Variants in CERS6 observed in about 807,000 individuals in gnomAD.
CERS6 encodes the protein LAG1 homolog, ceramide synthase 6.
A neutral mutation model predicts 56.8 loss-of-function variants in CERS6; 26 were observed. The ratio of observed to expected loss-of-function variants is 0.46; its 90% CI spans 0.34 to 0.63. The LOEUF is 0.63. Ranked by LOEUF, CERS6 falls within the 30% of genes least tolerant of loss-of-function variation. The probability of loss-of-function intolerance (pLI) is 0.01; values close to 1 mark genes in which losing one functional copy is unlikely to be tolerated. For missense variants in CERS6, 415 were observed against 467.5 expected (o/e 0.89, Z 1.04); for synonymous variants, 164 against 173.3 (o/e 0.95, Z 0.42).
chr2:168,579,398 G>GT (rs199612722), intron 3 of CERS6, among the ~76,000 whole-genome samples: 59 of 152,270 alleles, frequency 3.9e-4, no homozygotes, highest in African/African-American at 1.1e-3. Context: ...TTGCAAAGGT[G>GT]TTTTTAAAAA....
In CERS6 at chr2:168,680,698, A is replaced by G. The variant is rs528549203; in HGVS notation, c.466-10336A>G. On this transcript the variant is annotated intron_variant, in intron 4 of 9. Coordinates refer to ENST00000305747, the MANE Select transcript of CERS6 (RefSeq NM_203463.3). ...CCTCCTTAATGGGATTTAGGTCCTT[A>G]TAAAAGAGGCTTCACACAGCCTTTG... is the stretch of plus-strand genomic sequence containing the variant. 3.3e-5 allele frequency among the ~76,000 whole-genome samples: 5 copies of G among 152,300 alleles called. No homozygotes were observed. In the South Asian group the frequency reaches 1.0e-3, roughly 32 times the overall value.
chr2:168,482,491 C>T (rs1226801372), intron 1 of CERS6, among the ~76,000 whole-genome samples: 1 of 152,250 alleles, frequency 6.6e-6, no homozygotes, highest in African/African-American at 2.4e-5. Context: ...GTGCCTTCAG[C>T]TTTCTCACAC....
intron 4 of CERS6, among the ~76,000 whole-genome samples, chr2:168,646,908 G>A (rs1685218659): frequency 6.6e-6 from 1 of 152,176 alleles, no homozygotes; most frequent in Non-Finnish European, 1.5e-5. Context: ...TTTTGTACCA[G>A]TGCCAGGATA....
chr2:168,707,309 G>T (rs1338396040), intron 6 of CERS6, among the ~76,000 whole-genome samples: 1 of 152,154 alleles, frequency 6.6e-6, no homozygotes, highest in African/African-American at 2.4e-5. Flanking sequence ...TGGGAAAAAA[G>T]TGTTGAAGTA....
At chr2:168,537,465 C>T (rs979153429) in intron 1 of CERS6, among the ~76,000 whole-genome samples, 5 of 152,100 alleles carry the variant, frequency 3.3e-5, no homozygotes, top group East Asian at 1.9e-4. Flanking sequence ...TAATTTCCTC[C>T]GGTACAGCAA....
intron 1 of CERS6, among the ~76,000 whole-genome samples, chr2:168,514,254 T>C (rs929731440): frequency 2.0e-5 from 3 of 152,244 alleles, no homozygotes; most frequent in Non-Finnish European, 4.4e-5. Context: ...AGTGTAGTCA[T>C]CTGAGTACTG....
At position 168,547,546 on chromosome 2, in the gene CERS6, TAGAA is replaced by T. The variant is rs1196637420; in HGVS notation, c.171-45_171-42del. On this transcript the variant is annotated intron_variant, in intron 1 of 9. Transcript: ENST00000305747. ...GTAACTGGTGGCATTAAGAATCACA[TAGAA>T]AGAATAAATTCTGACCTTCTACTTT... The T allele has an allele frequency of 1.3e-5, 15 of 1,162,528 alleles. No individual in the cohort carries two copies. In the East Asian group the frequency reaches 2.7e-4, roughly 21 times the overall value. The allele number at this position is 1,162,528 out of a possible 1,614,324, so 72.0% of individuals were successfully genotyped here. A position where few individuals can be genotyped will look rare whatever the true frequency, so the allele number is the denominator to read the frequency against.
chr2:168,473,354 A>G (rs1694011959), intron 1 of CERS6, among the ~76,000 whole-genome samples: 1 of 151,948 alleles, frequency 6.6e-6, no homozygotes, highest in Non-Finnish European at 1.5e-5. Flanking sequence ...TTTCAGTTTT[A>G]TAATCACTTT....
chr2:168,773,316 T>C lies in CERS6; in HGVS notation c.*3654T>C, dbSNP rs1424541573. ...GATTGTTTAACAGTATGTGTGGTGA[T>C]GTCATTATCTCCAGAGAGGCTTCAA... On this transcript the variant is annotated 3_prime_UTR_variant, in exon 10 of 10. Coordinates refer to ENST00000305747, the MANE Select transcript of CERS6 (RefSeq NM_203463.3). The C allele has an allele frequency of 6.6e-6, 1 of 152,230 alleles. No individual in the cohort carries two copies. Among genetic ancestry groups the C allele is most frequent in the East Asian group, 1.9e-4 (1 of 5,200 alleles). The allele number at this position is 152,230 out of a possible 1,614,324, so 9.4% of individuals were successfully genotyped here.
At chr2:168,573,199 A>C (rs1253701632) in intron 3 of CERS6, among the ~76,000 whole-genome samples, 1 of 152,186 alleles carries the variant, frequency 6.6e-6, no homozygotes, top group African/African-American at 2.4e-5. Context: ...ATGGGGGAAA[A>C]AAAGGATAAA....
intron 4 of CERS6, among the ~76,000 whole-genome samples, chr2:168,670,535 GTCTTC>G (rs1171244407): frequency 6.6e-6 from 1 of 152,178 alleles, no homozygotes; most frequent in Non-Finnish European, 1.5e-5. Context: ...TTTACCTTTT[GTCTTC>G]TCTTATTCAT....
chr2:168,580,517 C>G (rs950236223), intron 3 of CERS6, among the ~76,000 whole-genome samples: 14 of 152,086 alleles, frequency 9.2e-5, no homozygotes, highest in African/African-American at 2.4e-4. Flanking sequence ...TTTTGTCATG[C>G]CTTTTATTCT....
intron 4 of CERS6, among the ~76,000 whole-genome samples, chr2:168,668,739 C>T (rs918200407): frequency 6.6e-6 from 1 of 152,158 alleles, no homozygotes; most frequent in African/African-American, 2.4e-5. Flanking sequence ...CAGCTGTGAG[C>T]CACCATGCCA....
At chr2:168,502,803 G>A (rs1469720718) in intron 1 of CERS6, among the ~76,000 whole-genome samples, 6 of 152,222 alleles carry the variant, frequency 3.9e-5, no homozygotes, top group African/African-American at 1.4e-4. Flanking sequence ...TGATTCAGTG[G>A]TCTTTATCAG....
intron 2 of CERS6, among the ~76,000 whole-genome samples, chr2:168,560,684 T>C (rs1053351985): frequency 6.6e-6 from 1 of 152,226 alleles, no homozygotes; most frequent in Non-Finnish European, 1.5e-5. Context: ...ATAAAAATTG[T>C]ACCTTAGGCT....
intron 8 of CERS6, among the ~76,000 whole-genome samples, chr2:168,755,785 G>C (rs796697196): frequency 2.0e-5 from 3 of 152,300 alleles, no homozygotes; most frequent in African/African-American, 7.2e-5. Context: ...TGTCAGTGGA[G>C]TCCCTCAGAG....
At chr2:168,645,150 G>A (rs1289349773) in intron 4 of CERS6, among the ~76,000 whole-genome samples, 6 of 49,298 alleles carry the variant, frequency 1.2e-4, no homozygotes, top group African/African-American at 2.8e-4. Flanking sequence ...TATAGAGAGA[G>A]AGAGAGAGAG....
intron 1 of CERS6, among the ~76,000 whole-genome samples, chr2:168,541,610 G>A (rs1695374461): frequency 6.6e-6 from 1 of 152,050 alleles, no homozygotes; most frequent in Non-Finnish European, 1.5e-5. Flanking sequence ...GGCATGGTGA[G>A]AGTTATTTTG....
chr2:168,559,733 T>TTATATATATA (rs61031993), intron 2 of CERS6, among the ~76,000 whole-genome samples: 1,187 of 66,264 alleles, frequency 0.018, 277 homozygotes, highest in African/African-American at 0.027. Context: ...TAGAAAGGTA[T>TTATATATATA]CATATATATA....
Sources: allele counts gnomAD v4.1 joint callset (sites outside exome capture counted in the v4.1 genomes callset), GRCh38; gene constraint gnomAD v4.1.1; transcripts MANE v1.5; gene names NCBI Gene and HGNC (gene_info 2026-07-23, HGNC 2026-07-21).